Variants in ERICH3 observed in about 807,000 individuals in gnomAD.
ERICH3 encodes the protein glutamate rich 3, also known as glutamate-rich protein 3.
Under a neutral mutation model 131.1 loss-of-function variants are expected in ERICH3, and 126 were observed. The observed-to-expected ratio is 0.96, with a 90% confidence interval of 0.83 to 1.11. The LOEUF is 1.11. ERICH3 is among the 50% of genes most tolerant of loss of function. ERICH3 has a pLI of 0.00. For missense variants in ERICH3, 2,050 were observed against 1,810.7 expected, an observed-to-expected ratio of 1.13 and a Z score of -2.40; for synonymous variants, 695 against 644.6, an observed-to-expected ratio of 1.08 and a Z score of -1.18.
intron 10 of ERICH3, among the ~76,000 whole-genome samples, chr1:74,600,288 T>C (rs1648067654): frequency 6.6e-6 from 1 of 151,848 alleles, no homozygotes; most frequent in Non-Finnish European, 1.5e-5. Context: ...AGGATTATAA[T>C]AATGAAAGTT....
At chr1:74,610,850 TTCA>T (rs1198697736) in intron 9 of ERICH3, among the ~76,000 whole-genome samples, 8 of 152,064 alleles carry the variant, frequency 5.3e-5, no homozygotes, top group Non-Finnish European at 1.0e-4. Context: ...ATCCTCAGTC[TTCA>T]TTTTACTTCA....
chr1:74,591,538 G>A (rs1414167064), intron 11 of ERICH3, among the ~76,000 whole-genome samples: 2 of 152,126 alleles, frequency 1.3e-5, no homozygotes, highest in African/African-American at 4.8e-5. Flanking sequence ...AAAGGTGAAG[G>A]GAGCAGAAGA....
chr1:74,656,854 C>T (rs1646589595), intron 1 of ERICH3, among the ~76,000 whole-genome samples: 1 of 152,150 alleles, frequency 6.6e-6, no homozygotes, highest in South Asian at 2.1e-4. Flanking sequence ...GTCCTTGTCT[C>T]ACCACCTTCC....
Position 74,673,593 on chromosome 1 carries a change from T to G in ERICH3, c.-74A>C. 6.5e-7 allele frequency: 1 copy of G among 1,547,000 alleles called. No individual in the cohort carries two copies. Among genetic ancestry groups the G allele is most frequent in the Non-Finnish European group, 8.8e-7 (1 of 1,132,712 alleles). On this transcript the variant is annotated 5_prime_UTR_variant, in exon 1 of 15. Coordinates refer to ENST00000326665, the MANE Select transcript of ERICH3 (RefSeq NM_001002912.5). Reference sequence around the variant, plus strand: ...CGTGGGGCCCCGTGCGCGCTGGCGCTGCGACAGTCGCGCTCGAGGGGTGGC... The same window carrying G: ...CGTGGGGCCCCGTGCGCGCTGGCGCGGCGACAGTCGCGCTCGAGGGGTGGC...
At chr1:74,575,526 A>G (rs1458700997) in intron 13 of ERICH3, among the ~76,000 whole-genome samples, 1 of 152,254 alleles carries the variant, frequency 6.6e-6, no homozygotes, top group African/African-American at 2.4e-5. Context: ...TTCATTACAG[A>G]TTATTACCGT....
intron 4 of ERICH3, 34 bp downstream of exon 4, chr1:74,642,993 C>T (rs1232614503): frequency 7.0e-7 from 1 of 1,428,608 alleles, no homozygotes; most frequent in Non-Finnish European, 9.8e-7. Context: ...TAAAATAATA[C>T]TATGAAGTAA....
chr1:74,650,132 C>T (rs533010699), intron 1 of ERICH3, among the ~76,000 whole-genome samples: 1 of 152,200 alleles, frequency 6.6e-6, no homozygotes, highest in African/African-American at 2.4e-5. Context: ...AAGTTCCTAA[C>T]TAAATTTAAG....
chr1:74,616,617 G>T (rs1168829903), intron 8 of ERICH3, among the ~76,000 whole-genome samples: 2 of 152,088 alleles, frequency 1.3e-5, no homozygotes, highest in South Asian at 2.1e-4. Context: ...GTAGTCGGCT[G>T]AATTGTGTCC....
chr1:74,643,062 T>C lies in ERICH3; in HGVS notation c.280A>G (p.Thr94Ala), dbSNP rs1442568028. Reference protein sequence around the residue: ...HQLEIKKKLETLARKERIQRF... With the variant: ...HQLEIKKKLEALARKERIQRF... ...TGGATTCGCTCCTTCCTAGCTAAGG[T>C]CTCCAATTTCTTTTTTATTTCAAGC... Residue 94 changes from threonine (T) to alanine (A), a missense_variant, in exon 4 of 15, where the codon ACC becomes GCC. Transcript: ENST00000326665. 1.9e-6 allele frequency: 3 copies of C among 1,611,182 alleles called. No homozygotes were observed. The African/African-American group carries it at 4.0e-5, about 22-fold the overall frequency.
intron 14 of ERICH3, 119 bp downstream of exon 14, chr1:74,570,980 T>C: frequency 4.5e-6 from 6 of 1,329,492 alleles, no homozygotes; most frequent in Non-Finnish European, 6.1e-6. Context: ...GACACAGAAT[T>C]GAAGCCTGTG....
At chr1:74,609,348 G>A (rs1275789004) in intron 9 of ERICH3, among the ~76,000 whole-genome samples, 9 of 152,018 alleles carry the variant, frequency 5.9e-5, no homozygotes, top group African/African-American at 1.7e-4. Flanking sequence ...CATCACAAAT[G>A]TTTCTGGGAC....
At position 74,571,938 on chromosome 1, in the gene ERICH3, C is replaced by A; in HGVS notation, c.3772G>T (p.Ala1258Ser). The A allele has an allele frequency of 6.2e-7, 1 of 1,613,532 alleles. No individual in the cohort carries two copies. Among genetic ancestry groups the A allele is most frequent in the Non-Finnish European group, 8.5e-7 (1 of 1,180,038 alleles). The change falls in exon 14 of 15, where the codon GCT (alanine) becomes TCT (serine). Residue 1258 changes from alanine to serine, a missense_variant. By Grantham distance (99) the Ala-to-Ser change is moderately conservative. Transcript: ENST00000326665. ...HDSCAGLEGR[A>S]EGQGGVDVVL... is the part of the protein sequence containing the mutation. ...ACATCCACTCCTCCTTGCCCTTCAG[C>A]TCTCCCCTCCAGTCCTGCGCAGGAG...
rs1646325040 is a variant in ERICH3, at chr1:74,630,917, C to A, written c.819+796G>T. Among the ~76,000 whole-genome samples the A allele has an allele frequency of 2.0e-5, 3 of 151,966 alleles. No homozygotes were observed. In the South Asian group the frequency reaches 6.2e-4, roughly 32 times the overall value. ...TAGAGTTGAAAAAAGGAAATTCAAG[C>A]AAGCAGGAAGAAGATGGTCCCCATC... On this transcript the variant is annotated intron_variant, in intron 7 of 14. Transcript: ENST00000326665.
chr1:74,668,527 C>T (rs1408586172), intron 1 of ERICH3, among the ~76,000 whole-genome samples: 1 of 152,158 alleles, frequency 6.6e-6, no homozygotes. Context: ...TTTGAAAGAT[C>T]ATCAAAAACA....
chr1:74,666,326 T>C (rs1007616075), intron 1 of ERICH3, among the ~76,000 whole-genome samples: 8 of 152,002 alleles, frequency 5.3e-5, no homozygotes, highest in Non-Finnish European at 1.0e-4. Flanking sequence ...CTATATGAAA[T>C]CTATATATCT....
intron 7 of ERICH3, among the ~76,000 whole-genome samples, chr1:74,630,946 T>C (rs889338776): frequency 3.9e-5 from 6 of 152,040 alleles, no homozygotes; most frequent in Admixed American, 2.0e-4. Flanking sequence ...CCCCATCTTC[T>C]GAGAAGGTTA....
At chr1:74,611,290 T>C (rs1648683867) in intron 9 of ERICH3, among the ~76,000 whole-genome samples, 1 of 152,164 alleles carries the variant, frequency 6.6e-6, no homozygotes, top group Admixed American at 6.6e-5. Flanking sequence ...TTTCCAGTTA[T>C]TCAAGACAAA....
chr1:74,659,969 T>C (rs927653235), intron 1 of ERICH3, among the ~76,000 whole-genome samples: 2 of 152,190 alleles, frequency 1.3e-5, no homozygotes, highest in African/African-American at 4.8e-5. Flanking sequence ...ATTTATGCTA[T>C]GGCTTGGCTG....
chr1:74,670,601 C>T (rs868183880), intron 1 of ERICH3, among the ~76,000 whole-genome samples: 26 of 152,102 alleles, frequency 1.7e-4, no homozygotes, highest in African/African-American at 6.0e-4. Context: ...CTGTTATCTT[C>T]GTAAGCTGAG....
Sources: gnomAD v4.1 joint callset for allele counts (sites outside exome capture counted in the v4.1 genomes callset) on GRCh38, gnomAD v4.1.1 for gene constraint, MANE v1.5 for transcripts, NCBI Gene and HGNC (gene_info 2026-07-23, HGNC 2026-07-21) for gene names.